ARID4A: variants seen among roughly 807,000 people sequenced by gnomAD.
The protein encoded by ARID4A is AT-rich interactive domain-containing protein 4A.
In ARID4A, 39 loss-of-function variants were observed where a neutral mutation model predicts 148.6. That is an observed-to-expected ratio of 0.26 (90% CI 0.20 to 0.34). The LOEUF is 0.34. Ranked by LOEUF, ARID4A falls within the 10% of genes least tolerant of loss-of-function variation. The pLI, the probability that ARID4A is intolerant of heterozygous loss-of-function variation, is 1.00. For synonymous variants in ARID4A, 475 were observed against 481.2 expected (o/e 0.99, Z 0.17); for missense variants, 1,265 against 1,449.1 (o/e 0.87, Z 2.06).
intron 11 of ARID4A, among the ~76,000 whole-genome samples, chr14:58,339,064 A>G (rs1349970228): frequency 6.7e-6 from 1 of 149,536 alleles, no homozygotes; most frequent in Admixed American, 6.8e-5. Context: ...TTCCAGGCTC[A>G]AGCCATCCTC....
chr14:58,307,311 G>T (rs1234310008), intron 5 of ARID4A, among the ~76,000 whole-genome samples: 1 of 152,208 alleles, frequency 6.6e-6, no homozygotes, highest in Non-Finnish European at 1.5e-5. Flanking sequence ...TTGATGCTCA[G>T]TGTTGTGAAG....
At chr14:58,320,051 G>A (rs543435129) in intron 7 of ARID4A, among the ~76,000 whole-genome samples, 1 of 148,520 alleles carries the variant, frequency 6.7e-6, no homozygotes, top group African/African-American at 2.5e-5. Flanking sequence ...AGGTTCAAAC[G>A]ATTCTCCTGC....
chr14:58,337,873 G>C (rs2033911878), intron 11 of ARID4A, among the ~76,000 whole-genome samples: 1 of 152,108 alleles, frequency 6.6e-6, no homozygotes, highest in Non-Finnish European at 1.5e-5. Flanking sequence ...TTGGCTTTCA[G>C]CACCTTCAGG....
rs190943719 is a variant in ARID4A, at chr14:58,351,054, C to G, written c.1405-19C>G. 48 of 1,568,778 alleles carry G rather than the reference C, an allele frequency of 3.1e-5. No individual in the cohort carries two copies. Among genetic ancestry groups the G allele is most frequent in the Admixed American group, 1.1e-4 (5 of 47,254 alleles). The stretch of plus-strand genomic sequence containing the variant: ...CTTTATAGTGATAGCTATTTTAAAG[C>G]TTTTATCCCCTCTACTAGGGACGAA... On this transcript the variant is annotated intron_variant, in intron 15 of 23. Coordinates refer to ENST00000355431, the MANE Select transcript of ARID4A (RefSeq NM_002892.4).
intron 11 of ARID4A, among the ~76,000 whole-genome samples, 160 bp from the exon 12 acceptor site, chr14:58,344,535 A>G (rs972536039): frequency 2.6e-5 from 4 of 152,210 alleles, no homozygotes; most frequent in Non-Finnish European, 5.9e-5. Flanking sequence ...ATATCTTCAT[A>G]AATATGACTT....
chr14:58,304,838 C>A, intron 3 of ARID4A, 106 bp from the exon 4 acceptor site: 1 of 944,604 alleles, frequency 1.1e-6, no homozygotes, highest in Non-Finnish European at 1.6e-6. Flanking sequence ...GGGGTCACCA[C>A]ATGGTGCTAA....
intron 17 of ARID4A, 112 bp from the exon 18 acceptor site, chr14:58,359,020 G>T: frequency 8.1e-7 from 1 of 1,228,548 alleles, no homozygotes; most frequent in Non-Finnish European, 1.1e-6. Context: ...CCAACACTAA[G>T]AACAAACTAT....
chr14:58,320,459 A>G (rs2032798832), intron 7 of ARID4A, among the ~76,000 whole-genome samples: 1 of 152,156 alleles, frequency 6.6e-6, no homozygotes, highest in Non-Finnish European at 1.5e-5. Context: ...AGTTGTTCCA[A>G]TAATAGCCTT....
intron 7 of ARID4A, among the ~76,000 whole-genome samples, chr14:58,322,973 AAAAAAAAAT>A (rs1232534553): frequency 1.4e-5 from 2 of 143,386 alleles, no homozygotes; most frequent in Non-Finnish European, 3.0e-5. Flanking sequence ...CAAAAAAAAA[AAAAAAAAAT>A]ATATATATAT....
At chr14:58,299,137 G>A (rs1212332198) in intron 1 of ARID4A, among the ~76,000 whole-genome samples, 1 of 152,222 alleles carries the variant, frequency 6.6e-6, no homozygotes, top group Non-Finnish European at 1.5e-5. Flanking sequence ...GGCTGCTGCG[G>A]TGCGGCTCCC....
intron 1 of ARID4A, 123 bp from the exon 2 acceptor site, chr14:58,299,675 G>A (rs774559904): frequency 1.3e-6 from 1 of 797,464 alleles, no homozygotes; most frequent in East Asian, 2.6e-5. Context: ...CTCGTAAGGG[G>A]TCTTGTCCCT....
chr14:58,344,938 TC>T (rs1218102009), intron 12 of ARID4A, among the ~76,000 whole-genome samples, 171 bp downstream of exon 12: 2 of 152,184 alleles, frequency 1.3e-5, no homozygotes, highest in African/African-American at 2.4e-5. Flanking sequence ...AGTGATTTGC[TC>T]CTGGCTTACT....
At chr14:58,344,636 G>C (rs1287741398) in intron 11 of ARID4A, 59 bp from the exon 12 acceptor site, 3 of 1,236,898 alleles carry the variant, frequency 2.4e-6, no homozygotes, top group Non-Finnish European at 3.4e-6. Context: ...AAAAATAAAA[G>C]AAGACATGTA....
At chr14:58,301,269 TC>T (rs1010389734) in intron 2 of ARID4A, among the ~76,000 whole-genome samples, 1 of 142,890 alleles carries the variant, frequency 7.0e-6, no homozygotes. Context: ...AAATATTTTT[TC>T]TGTTTTTTTC....
At position 58,364,447 on chromosome 14, in the gene ARID4A, C is replaced by T. The variant is rs190970770; in HGVS notation, c.2358C>T (p.Ala786=). The change falls in exon 20 of 24, where the codon GCC becomes GCT. Residue 786 remains alanine (A), a synonymous_variant. Transcript: ENST00000355431. ...AAACAGAAGAAGTTAAGAAAGAAGCCGAAAAATCTCCAAAAGGAAAGGGAA... is the reference window on the plus strand; with the variant it reads ...AAACAGAAGAAGTTAAGAAAGAAGCTGAAAAATCTCCAAAAGGAAAGGGAA... ...MEKTEEVKKE[A]EKSPKGKGRR... is the part of the protein sequence containing the mutation. 18 of 1,612,518 alleles carry T rather than the reference C, an allele frequency of 1.1e-5. No homozygotes were observed. In the African/African-American group the frequency reaches 1.2e-4, roughly 11 times the overall value.
intron 11 of ARID4A, among the ~76,000 whole-genome samples, chr14:58,335,311 C>CTT (rs71448948): frequency 2.1e-4 from 29 of 137,716 alleles, no homozygotes; most frequent in Middle Eastern, 3.8e-3. Flanking sequence ...AGGATTTTAT[C>CTT]TTTTTTTTTT....
chr14:58,331,072 T>A (rs1255583455), intron 11 of ARID4A, among the ~76,000 whole-genome samples: 1 of 152,244 alleles, frequency 6.6e-6, no homozygotes, highest in East Asian at 1.9e-4. Flanking sequence ...TATGAATTTA[T>A]GAAATGAAAC....
intron 11 of ARID4A, among the ~76,000 whole-genome samples, chr14:58,339,713 A>G (rs1486308810): frequency 6.6e-6 from 1 of 152,094 alleles, no homozygotes; most frequent in Non-Finnish European, 1.5e-5. Flanking sequence ...TAGATTGGGT[A>G]TTTTATAAAG....
chr14:58,324,549 G>A (rs568519051), intron 8 of ARID4A, among the ~76,000 whole-genome samples: 3 of 152,274 alleles, frequency 2.0e-5, no homozygotes, highest in African/African-American at 4.8e-5. Flanking sequence ...CCAAGGGGCC[G>A]GGATTACAGG....
Sources: allele counts gnomAD v4.1 joint callset (sites outside exome capture counted in the v4.1 genomes callset), GRCh38; gene constraint gnomAD v4.1.1; transcripts MANE v1.5; gene names NCBI Gene and HGNC (gene_info 2026-07-23, HGNC 2026-07-21).